The following PSME4 variants were observed in gnomAD, a reference collection of about 807,000 sequenced individuals.
The protein encoded by PSME4 is proteasome activator subunit 4.
PSME4 carries 89 observed loss-of-function variants against 253.9 expected under a neutral mutation model. The ratio of observed to expected loss-of-function variants is 0.35; its 90% CI spans 0.30 to 0.42. The LOEUF (loss-of-function observed/expected upper bound fraction) is 0.42, where lower values mean the gene tolerates loss of function less well. Among genes scored for constraint, PSME4 ranks in the 10% least tolerant of loss-of-function variants. The pLI, the probability that PSME4 is intolerant of heterozygous loss-of-function variation, is 1.00. For missense variants in PSME4, 2,014 were observed against 2,195.2 expected, an observed-to-expected ratio of 0.92 and a Z score of 1.65; for synonymous variants, 851 against 759.2, an observed-to-expected ratio of 1.12 and a Z score of -1.99.
intron 32 of PSME4, 65 bp from the exon 33 acceptor site, chr2:53,895,801 T>A: frequency 7.1e-7 from 1 of 1,400,096 alleles, no homozygotes; most frequent in Non-Finnish European, 9.7e-7. Context: ...TTACCAAATT[T>A]CAATCAACAG....
At position 53,864,641 on chromosome 2, in the gene PSME4, CTT is replaced by C. The variant is rs1262332966; in HGVS notation, c.*935_*936del. Reference sequence around the variant, plus strand: ...ATGCTATCTCTACAGTTTATACACTCTTTTACATTTATATAACATATTAAACA... The same window carrying C: ...ATGCTATCTCTACAGTTTATACACTCTTACATTTATATAACATATTAAACA... On this transcript the variant is annotated 3_prime_UTR_variant, in exon 47 of 47. Transcript: ENST00000404125. 3 of 151,148 alleles carry C rather than the reference CTT, an allele frequency of 2.0e-5. No individual in the cohort carries two copies. Among genetic ancestry groups the C allele is most frequent in the Non-Finnish European group, 4.4e-5 (3 of 68,024 alleles). The allele number at this position is 151,148 out of a possible 1,614,324, so 9.4% of individuals were successfully genotyped here.
chr2:53,944,038 G>C (rs919304834), intron 3 of PSME4, among the ~76,000 whole-genome samples: 1 of 152,222 alleles, frequency 6.6e-6, no homozygotes, highest in East Asian at 1.9e-4. Context: ...CAATAAGCCT[G>C]ATCAACTTGA....
intron 41 of PSME4, chr2:53,881,640 C>T (rs1679395723): frequency 6.6e-6 from 1 of 151,560 alleles, no homozygotes; most frequent in Admixed American, 6.6e-5. Context: ...AGCTGGAGCA[C>T]AGTGGCGAGA....
intron 27 of PSME4, among the ~76,000 whole-genome samples, chr2:53,903,783 G>A (rs919836279): frequency 3.3e-5 from 5 of 152,020 alleles, no homozygotes; most frequent in Admixed American, 3.3e-4. Context: ...ACTAAATAAT[G>A]AGTCTCCTCA....
intron 36 of PSME4, among the ~76,000 whole-genome samples, chr2:53,892,156 C>G (rs1050700184): frequency 7.9e-5 from 12 of 152,086 alleles, no homozygotes; most frequent in African/African-American, 2.2e-4. Flanking sequence ...TTCTTGTAGG[C>G]AAAAGTGTTT....
chr2:53,884,876 A>G (rs914898019), intron 41 of PSME4, among the ~76,000 whole-genome samples: 3 of 152,212 alleles, frequency 2.0e-5, no homozygotes, highest in African/African-American at 4.8e-5. Flanking sequence ...TAGTAGTACA[A>G]TCTTTGAAAG....
Position 53,869,497 on chromosome 2 carries a change from C to A in PSME4, c.5142G>T (p.Gln1714His). 1 of 1,568,666 alleles carries A rather than the reference C, an allele frequency of 6.4e-7. No individual in the cohort carries two copies. The highest frequency in any genetic ancestry group is 1.2e-5 in the South Asian group (1 of 84,496). Reference protein sequence around the residue: ...MAATTLSGLLQCNFLTMDSPM... With the variant: ...MAATTLSGLLHCNFLTMDSPM... Reference sequence around the variant, plus strand: ...GACTGTCCATGGTAAGAAAGTTACACTGTAGCAGACCGCTTAAGGTAGTAG... The same window carrying A: ...GACTGTCCATGGTAAGAAAGTTACAATGTAGCAGACCGCTTAAGGTAGTAG... The change falls in exon 44 of 47, where the codon CAG becomes CAT. Residue 1714 changes from glutamine (Q) to histidine (H), a missense_variant. By Grantham distance (24) the Gln-to-His change is conservative. Coordinates refer to ENST00000404125, the MANE Select transcript of PSME4 (RefSeq NM_014614.3).
intron 31 of PSME4, among the ~76,000 whole-genome samples, chr2:53,897,167 GTTTTTT>G (rs1056577962): frequency 8.2e-6 from 1 of 122,196 alleles, no homozygotes; most frequent in Non-Finnish European, 1.7e-5. Flanking sequence ...TAGCCTCAGG[GTTTTTT>G]TTTTTTTTTT....
Position 53,906,864 on chromosome 2 carries a change from T to G in PSME4, c.2789A>C (p.His930Pro). 6.2e-7 allele frequency: 1 copy of G among 1,613,264 alleles called. No individual in the cohort carries two copies. The highest frequency in any genetic ancestry group is 1.1e-5 in the South Asian group (1 of 90,988). The change falls in exon 25 of 47, where the codon CAT becomes CCT. Residue 930 changes from histidine to proline, a missense_variant. Physicochemically the swap from His to Pro is moderately conservative, Grantham distance 77. Around this residue, in one of 4 missense-constraint regions of PSME4, gnomAD observed 989 missense variants for 1,021.1 expected, o/e 0.97. Coordinates refer to ENST00000404125, the MANE Select transcript of PSME4 (RefSeq NM_014614.3). Reference protein sequence around the residue: ...LVKKSMENRLHGKKQHIRALL... With the variant: ...LVKKSMENRLPGKKQHIRALL... ...TGCTCTGATATGTTGTTTTTTCCCATGGAGCTGGAAAACAAAGTAGCAACA... is the reference window on the plus strand; with the variant it reads ...TGCTCTGATATGTTGTTTTTTCCCAGGGAGCTGGAAAACAAAGTAGCAACA...
At position 53,935,939 on chromosome 2, in the gene PSME4, G is replaced by A. The variant is rs1669086967; in HGVS notation, c.834+148C>T. The A allele has an allele frequency of 4.4e-6, 4 of 899,702 alleles. No homozygotes were observed. In the African/African-American group the frequency reaches 6.9e-5, roughly 16 times the overall value. The allele number at this position is 899,702 out of a possible 1,614,324, so 55.7% of individuals were successfully genotyped here. ...GATGGAGTCAAGCTCTGTCACCCAGGCTGGAGTGCAGTACTGCAATCTTGG... is the reference window on the plus strand; with the variant it reads ...GATGGAGTCAAGCTCTGTCACCCAGACTGGAGTGCAGTACTGCAATCTTGG... On this transcript the variant is annotated intron_variant, in intron 7 of 46. Transcript: ENST00000404125.
At chr2:53,874,525 A>G in intron 42 of PSME4, 31 bp from the exon 43 acceptor site, 24 of 1,601,208 alleles carry the variant, frequency 1.5e-5, no homozygotes, top group Non-Finnish European at 2.0e-5. Flanking sequence ...TAAACGATAA[A>G]GCAGTACTGA....
Position 53,922,423 on chromosome 2 carries a change from T to C in PSME4, c.2046+94A>G, listed in dbSNP as rs147071178. On this transcript the variant is annotated intron_variant, in intron 17 of 46. Coordinates refer to ENST00000404125, the MANE Select transcript of PSME4 (RefSeq NM_014614.3). ...AAATTTCCAAAACTCTGACTTTTCATATGTTTTAAAGTCATTTTGTCAGAA... is the reference window on the plus strand; with the variant it reads ...AAATTTCCAAAACTCTGACTTTTCACATGTTTTAAAGTCATTTTGTCAGAA... 3.2e-3 allele frequency: 4,257 copies of C among 1,320,698 alleles called. 6 individuals are homozygous for C. The highest frequency in any genetic ancestry group is 4.0e-3 in the Non-Finnish European group (3,702 of 936,312). 81.8% of individuals were successfully genotyped at this position (1,320,698 alleles called of 1,614,324 possible).
At position 53,864,352 on chromosome 2, in the gene PSME4, G is replaced by A. The variant is rs555877135; in HGVS notation, c.*1226C>T. The A allele has an allele frequency of 6.6e-6, 1 of 152,246 alleles. No homozygotes were observed. Among genetic ancestry groups the A allele is most frequent in the Non-Finnish European group, 1.5e-5 (1 of 67,984 alleles). The allele number at this position is 152,246 out of a possible 1,614,324, so 9.4% of individuals were successfully genotyped here. A position where few individuals can be genotyped will look rare whatever the true frequency, so the allele number is the denominator to read the frequency against. Reference sequence around the variant, plus strand: ...CCTTTCACTCTATAAACTTGTCATAGGCAAACATGTGGTGTTAGCATTGAG... The same window carrying A: ...CCTTTCACTCTATAAACTTGTCATAAGCAAACATGTGGTGTTAGCATTGAG... On this transcript the variant is annotated 3_prime_UTR_variant, in exon 47 of 47. Transcript: ENST00000404125.
chr2:53,927,352 T>A (rs897906878), intron 12 of PSME4, 42 bp downstream of exon 12: 1 of 1,349,510 alleles, frequency 7.4e-7, no homozygotes, highest in Non-Finnish European at 1.1e-6. Flanking sequence ...GCAATAATAA[T>A]TAGAACATCT....
chr2:53,897,170 T>G (rs868678946), intron 31 of PSME4, among the ~76,000 whole-genome samples: 28 of 143,544 alleles, frequency 2.0e-4, no homozygotes, highest in African/African-American at 7.5e-4. Context: ...CCTCAGGGTT[T>G]TTTTTTTTTT....
At chr2:53,938,987 T>C (rs1221289587) in intron 4 of PSME4, among the ~76,000 whole-genome samples, 1 of 152,300 alleles carries the variant, frequency 6.6e-6, no homozygotes, top group East Asian at 1.9e-4. Context: ...ACTTGGGAGT[T>C]CTATGAATTA....
chr2:53,959,937 T>C (rs1238937652), intron 1 of PSME4, among the ~76,000 whole-genome samples: 40 of 152,080 alleles, frequency 2.6e-4, no homozygotes, highest in Admixed American at 2.5e-3. Context: ...CATGTAAAAG[T>C]GAAATAAAAT....
chr2:53,870,260 G>C (rs568963878), intron 43 of PSME4: 1 of 152,070 alleles, frequency 6.6e-6, no homozygotes, highest in East Asian at 1.9e-4. Context: ...TGTCGAGTAC[G>C]TAACATGTTC....
Position 53,927,482 on chromosome 2 carries a change from A to T in PSME4, c.1505T>A (p.Ile502Asn). Reference protein sequence around the residue: ...VDPNDFSKCMITFQFIATFST... With the variant: ...VDPNDFSKCMNTFQFIATFST... ...AAATGTTGCTATGAACTGGAATGTG[A>T]TCTGTGGAAACATACAAAGGATTTT... The change falls in exon 12 of 47, where the codon ATC (isoleucine) becomes AAC (asparagine). Residue 502 changes from isoleucine to asparagine, a missense_variant and splice_region_variant. Transcript: ENST00000404125. 6.4e-7 allele frequency: 1 copy of T among 1,569,966 alleles called. No individual in the cohort carries two copies. The highest frequency in any genetic ancestry group is 8.8e-7 in the Non-Finnish European group (1 of 1,139,820).
Sources: allele counts gnomAD v4.1 joint callset (sites outside exome capture counted in the v4.1 genomes callset), GRCh38; gene constraint gnomAD v4.1.1; regional missense constraint gnomAD v4.1.1; transcripts MANE v1.5; gene names NCBI Gene and HGNC (gene_info 2026-07-23, HGNC 2026-07-21).